NIPAL3: variants seen among roughly 807,000 people sequenced by gnomAD.
The protein encoded by NIPAL3 is NIPA like domain containing 3.
In NIPAL3, 41 loss-of-function variants were observed where a neutral mutation model predicts 47.2. The observed-to-expected ratio is 0.87, with a 90% CI of 0.68 to 1.13. NIPAL3 has a LOEUF of 1.13. Ranked by LOEUF, NIPAL3 falls within the 50% of genes most tolerant of loss-of-function variation. The probability of loss-of-function intolerance (pLI) is 0.00; values close to 1 mark genes in which losing one functional copy is unlikely to be tolerated. For missense variants in NIPAL3, 449 were observed against 530.1 expected (o/e 0.85, Z 1.50); for synonymous variants, 194 against 209.6 (o/e 0.93, Z 0.64).
intron 11 of NIPAL3, 107 bp from the exon 12 acceptor site, chr1:24,468,879 G>GAA (rs2148870593): frequency 1.0e-6 from 1 of 986,328 alleles, no homozygotes; most frequent in Non-Finnish European, 1.6e-6. Flanking sequence ...CAATGCACAT[G>GAA]ATTAGCTGCT....
chr1:24,428,144 G>A (rs1644686908), intron 2 of NIPAL3, among the ~76,000 whole-genome samples: 1 of 152,150 alleles, frequency 6.6e-6, no homozygotes, highest in South Asian at 2.1e-4. Context: ...GGAGGCTGAG[G>A]TGGGAGTATG....
intron 2 of NIPAL3, among the ~76,000 whole-genome samples, chr1:24,431,347 G>A (rs891283431): frequency 6.6e-6 from 1 of 152,108 alleles, no homozygotes; most frequent in African/African-American, 2.4e-5. Context: ...AAAAACTGCC[G>A]TGAAAGGTGA....
intron 2 of NIPAL3, among the ~76,000 whole-genome samples, chr1:24,436,251 C>T (rs6658307): frequency 0.43 from 65,037 of 151,844 alleles, 15,244 homozygotes; most frequent in African/African-American, 0.64. Flanking sequence ...CCAAGCTTCC[C>T]ATCAGCTTGT....
chr1:24,456,935 G>A (rs958536585), intron 8 of NIPAL3, among the ~76,000 whole-genome samples: 6 of 152,052 alleles, frequency 3.9e-5, no homozygotes, highest in African/African-American at 1.4e-4. Flanking sequence ...GCTAATTTTT[G>A]TATTTTTAGT....
At chr1:24,443,267 A>G (rs1434961308) in intron 4 of NIPAL3, among the ~76,000 whole-genome samples, 2 of 152,240 alleles carry the variant, frequency 1.3e-5, no homozygotes, top group African/African-American at 4.8e-5. Context: ...ATGTTAGTAG[A>G]TTAGTGAACA....
rs368584289 is a variant in NIPAL3, at chr1:24,451,598, G to C, written c.541-1810G>C. Among the ~76,000 whole-genome samples the C allele has an allele frequency of 2.6e-5, 4 of 152,120 alleles. No homozygotes were observed. Among genetic ancestry groups the C allele is most frequent in the East Asian group, 1.9e-4 (1 of 5,206 alleles). ...CATGCCTGTATTACCAGCTACTAAGGAGGCTAAGGTGGGAGGATAGCTTTG... is the reference window on the plus strand; with the variant it reads ...CATGCCTGTATTACCAGCTACTAAGCAGGCTAAGGTGGGAGGATAGCTTTG... On this transcript the variant is annotated intron_variant, in intron 6 of 11. Transcript: ENST00000374399. The surrounding 1 kb of genome is among the most constrained non-coding windows in gnomAD (Gnocchi z 4.5).
chr1:24,453,318 G>T, intron 6 of NIPAL3, 90 bp from the exon 7 acceptor site: 1 of 808,568 alleles, frequency 1.2e-6, no homozygotes, highest in South Asian at 1.4e-5. Flanking sequence ...TCAACCCTGT[G>T]ACTCTGGTGA....
At chr1:24,448,510 C>T (rs4648988) in intron 5 of NIPAL3, among the ~76,000 whole-genome samples, 48,031 of 151,794 alleles carry the variant, frequency 0.32, 7,739 homozygotes, top group Non-Finnish European at 0.35. Context: ...TTAAAAGGTA[C>T]GTGTTGAGCT....
intron 4 of NIPAL3, among the ~76,000 whole-genome samples, chr1:24,444,149 T>C (rs1645536209): frequency 6.6e-6 from 1 of 152,180 alleles, no homozygotes; most frequent in South Asian, 2.1e-4. Flanking sequence ...GATTATCACT[T>C]ATTGGATATC....
chr1:24,447,899 G>GT (rs1645747535), intron 5 of NIPAL3, among the ~76,000 whole-genome samples: 1 of 152,232 alleles, frequency 6.6e-6, no homozygotes, highest in South Asian at 2.1e-4. Flanking sequence ...TGAGCAACCT[G>GT]CACAGCTGAA....
intron 7 of NIPAL3, 104 bp from the exon 8 acceptor site, chr1:24,456,034 C>T: frequency 7.3e-7 from 1 of 1,376,038 alleles, no homozygotes; most frequent in South Asian, 1.3e-5. Context: ...CCTGTTCCCT[C>T]CCCTCTGTCT....
rs191804859 is a variant in NIPAL3, at chr1:24,466,818, C to A, written c.1022-2168C>A. On this transcript the variant is annotated intron_variant, in intron 11 of 11. Transcript: ENST00000374399. ...CCTGAGAACGGGCACCTCCTCAGCT[C>A]TTCCACTTCCCTCTTCTGCCCTCCC... is the stretch of plus-strand genomic sequence containing the variant. Among the ~76,000 whole-genome samples the A allele has an allele frequency of 3.9e-5, 6 of 152,328 alleles. No individual in the cohort carries two copies. In the East Asian group the frequency reaches 1.2e-3, roughly 29 times the overall value.
chr1:24,447,317 G>A (rs1645717237), intron 5 of NIPAL3, among the ~76,000 whole-genome samples: 1 of 152,208 alleles, frequency 6.6e-6, no homozygotes, highest in Non-Finnish European at 1.5e-5. Flanking sequence ...ATAGATTTGT[G>A]AGAAAACAAG....
chr1:24,453,134 G>T (rs1646023017), intron 6 of NIPAL3, among the ~76,000 whole-genome samples: 1 of 152,170 alleles, frequency 6.6e-6, no homozygotes, highest in Admixed American at 6.5e-5. Flanking sequence ...GGCCCTCCAA[G>T]AAAGAGTGGA....
intron 1 of NIPAL3, among the ~76,000 whole-genome samples, chr1:24,418,495 C>T (rs914170117): frequency 1.3e-5 from 2 of 152,080 alleles, no homozygotes; most frequent in African/African-American, 2.4e-5. Context: ...TTGTGGCACG[C>T]GTCTGAGGTC....
intron 2 of NIPAL3, among the ~76,000 whole-genome samples, chr1:24,428,333 A>G (rs1557491833): frequency 6.6e-6 from 1 of 151,104 alleles, no homozygotes; most frequent in Non-Finnish European, 1.5e-5. Flanking sequence ...AGCCAGCTAT[A>G]AAACCTAAAA....
chr1:24,460,507 G>C lies in NIPAL3; in HGVS notation c.889G>C (p.Gly297Arg). ...AGAIFYLDFIGEDVLHICMFA... is the reference protein window; with the variant it reads ...AGAIFYLDFIREDVLHICMFA... ...TGCAATATTTTACCTGGACTTCATC[G>C]GGGAGGACGTGCTGCACATCTGCAT... The change falls in exon 10 of 12, where the codon GGG (glycine) becomes CGG (arginine). Residue 297 changes from glycine (G) to arginine (R), a missense_variant. By Grantham distance (125) the Gly-to-Arg change is moderately radical. Coordinates refer to ENST00000374399, the MANE Select transcript of NIPAL3 (RefSeq NM_020448.5). 1.3e-6 allele frequency: 2 copies of C among 1,586,088 alleles called. No individual in the cohort carries two copies. Among genetic ancestry groups the C allele is most frequent in the Non-Finnish European group, 1.7e-6 (2 of 1,169,222 alleles).
intron 11 of NIPAL3, among the ~76,000 whole-genome samples, chr1:24,466,933 A>G (rs11249119): frequency 0.037 from 5,682 of 152,238 alleles, 355 homozygotes; most frequent in African/African-American, 0.13. Context: ...GGCCTTTCAC[A>G]GACTGGGTCT....
Position 24,451,563 on chromosome 1 carries a change from TG to T in NIPAL3, c.541-1844del, listed in dbSNP as rs1218966170. Among the ~76,000 whole-genome samples the T allele has an allele frequency of 6.6e-6, 1 of 151,672 alleles. No individual in the cohort carries two copies. Among genetic ancestry groups the T allele is most frequent in the Non-Finnish European group, 1.5e-5 (1 of 67,938 alleles). ...AAAAAAAAAGTAAAAATTAGCCAGG[TG>T]TGGTGATGCATGCCTGTATTACCAG... On this transcript the variant is annotated intron_variant, in intron 6 of 11. Coordinates refer to ENST00000374399, the MANE Select transcript of NIPAL3 (RefSeq NM_020448.5). This position sits in a 1 kb window ranked among gnomAD's most constrained non-coding sequence, Gnocchi z 4.5.
Sources: allele counts gnomAD v4.1 joint callset (sites outside exome capture counted in the v4.1 genomes callset), GRCh38; gene constraint gnomAD v4.1.1; non-coding constraint Gnocchi (gnomAD v3.1); transcripts MANE v1.5; gene names NCBI Gene and HGNC (gene_info 2026-07-23, HGNC 2026-07-21).